CSMD1: variants seen among roughly 807,000 people sequenced by gnomAD.
CSMD1 encodes the protein CUB and sushi domain-containing protein 1.
In CSMD1, 213 loss-of-function variants were observed where a neutral mutation model predicts 417.5. The ratio of observed to expected loss-of-function variants is 0.51; its 90% confidence interval spans 0.46 to 0.57. The LOEUF is 0.57. CSMD1 is among the 20% of genes least tolerant of loss of function. The pLI, the probability that CSMD1 is intolerant of heterozygous loss-of-function variation, is 0.00. For synonymous variants in CSMD1, 2,862 were observed against 1,736.8 expected, an observed-to-expected ratio of 1.65 and a Z score of -16.11; for missense variants, 6,923 against 4,529.7, an observed-to-expected ratio of 1.53 and a Z score of -15.17.
intron 3 of CSMD1, among the ~76,000 whole-genome samples, chr8:4,142,433 A>T (rs1415757091): frequency 6.6e-6 from 1 of 151,154 alleles, no homozygotes; most frequent in Non-Finnish European, 1.5e-5. Flanking sequence ...ACCATAACAG[A>T]ACTAGTTTCC....
chr8:3,786,029 T>G lies in CSMD1; in HGVS notation c.819-31987A>C, dbSNP rs115151640. Among the ~76,000 whole-genome samples the G allele has an allele frequency of 9.0e-3, 1,362 of 152,170 alleles. 22 individuals are homozygous for G. The highest frequency in any genetic ancestry group is 0.031 in the African/African-American group (1,278 of 41,516). On this transcript the variant is annotated intron_variant, in intron 5 of 69. Coordinates refer to ENST00000635120, the MANE Select transcript of CSMD1 (RefSeq NM_033225.6). ...TGGTGGGCATTGGGGTGAAGAAAAT[T>G]AGAAGGACGGAAGAAGTGATGTTTG...
intron 6 of CSMD1, among the ~76,000 whole-genome samples, chr8:3,734,809 G>A (rs547681412): frequency 1.1e-4 from 16 of 152,338 alleles, no homozygotes; most frequent in African/African-American, 3.6e-4. Flanking sequence ...CTGAGGCCCC[G>A]TGACGGGGAT....
chr8:4,968,559 T>TA (rs1198918788), intron 1 of CSMD1, among the ~76,000 whole-genome samples: 1 of 152,050 alleles, frequency 6.6e-6, no homozygotes, highest in Non-Finnish European at 1.5e-5. Flanking sequence ...TTTATATATA[T>TA]TTTTTTCCGG....
chr8:4,198,960 G>C (rs368226497), intron 3 of CSMD1, among the ~76,000 whole-genome samples: 1 of 150,630 alleles, frequency 6.6e-6, no homozygotes, highest in Non-Finnish European at 1.5e-5. Context: ...CTTTTTTTAA[G>C]ACAGTACTGT....
intron 40 of CSMD1, among the ~76,000 whole-genome samples, chr8:3,143,111 C>A (rs982758652): frequency 2.6e-5 from 4 of 152,146 alleles, no homozygotes; most frequent in Admixed American, 2.0e-4. Flanking sequence ...AAAACAACAA[C>A]AACAACAACA....
chr8:3,749,367 T>A (rs180760394), intron 6 of CSMD1, among the ~76,000 whole-genome samples: 2 of 152,168 alleles, frequency 1.3e-5, no homozygotes, highest in Non-Finnish European at 2.9e-5. Flanking sequence ...ATTTTAAAAG[T>A]GAATAGATTT....
chr8:4,246,011 T>A (rs1228404378), intron 3 of CSMD1, among the ~76,000 whole-genome samples: 2 of 152,036 alleles, frequency 1.3e-5, no homozygotes, highest in Admixed American at 6.6e-5. Context: ...CCTAGGTCAG[T>A]TATTTGTTGT....
rs184845115 is a variant in CSMD1 at position 3,307,820 on chromosome 8, C to G, written c.3825G>C (p.Ala1275=). 31 of 1,611,894 alleles carry G rather than the reference C, an allele frequency of 1.9e-5. No individual in the cohort carries two copies. The East Asian group carries it at 2.5e-4, about 13-fold the overall frequency. ...VWDKPLPSCI[A]ECGGQIHAAT... Reference sequence around the variant, plus strand: ...CTGCATGGATCTGACCACCACATTCCGCTGTAGAAGACACAGAGAGATGGG... The same window carrying G: ...CTGCATGGATCTGACCACCACATTCGGCTGTAGAAGACACAGAGAGATGGG... The change falls in exon 25 of 70, where the codon GCG becomes GCC. Residue 1275 remains alanine (A), a splice_region_variant and synonymous_variant. Transcript: ENST00000635120.
intron 3 of CSMD1, among the ~76,000 whole-genome samples, chr8:4,318,665 T>C (rs1799083394): frequency 6.6e-6 from 1 of 151,624 alleles, no homozygotes; most frequent in Admixed American, 6.6e-5. Context: ...TGATTGTTTT[T>C]GATATCACTG....
intron 1 of CSMD1, among the ~76,000 whole-genome samples, chr8:4,973,135 A>G (rs1179088339): frequency 6.6e-6 from 1 of 152,308 alleles, no homozygotes; most frequent in East Asian, 1.9e-4. Flanking sequence ...TATAAAACAC[A>G]CCAAGAAATA....
At chr8:4,186,074 C>A (rs1798659135) in intron 3 of CSMD1, among the ~76,000 whole-genome samples, 2 of 152,236 alleles carry the variant, frequency 1.3e-5, no homozygotes, top group African/African-American at 4.8e-5. Flanking sequence ...GTGGAAGACG[C>A]AGCTGTTAGA....
At chr8:3,553,549 G>C (rs564500592) in intron 10 of CSMD1, among the ~76,000 whole-genome samples, 1 of 152,226 alleles carries the variant, frequency 6.6e-6, no homozygotes, top group Non-Finnish European at 1.5e-5. Flanking sequence ...GCACAGACTT[G>C]GAATATCCAA....
intron 1 of CSMD1, among the ~76,000 whole-genome samples, chr8:4,844,438 C>A (rs1001667688): frequency 6.6e-6 from 1 of 152,058 alleles, no homozygotes; most frequent in Non-Finnish European, 1.5e-5. Context: ...CTTTTATTTT[C>A]GATTTTTCTT....
chr8:3,515,243 A>C (rs1480445959), intron 10 of CSMD1: 1 of 152,204 alleles, frequency 6.6e-6, no homozygotes, highest in Non-Finnish European at 1.5e-5. Flanking sequence ...ATTTGTCCTT[A>C]ATATAAATAA....
intron 5 of CSMD1, among the ~76,000 whole-genome samples, chr8:3,793,609 T>G (rs1315296844): frequency 6.6e-6 from 1 of 152,028 alleles, no homozygotes; most frequent in African/African-American, 2.4e-5. Flanking sequence ...GCAGTAAACC[T>G]TCCCAAATGT....
intron 5 of CSMD1, among the ~76,000 whole-genome samples, chr8:3,821,692 G>C (rs1263493202): frequency 6.6e-6 from 1 of 152,172 alleles, no homozygotes; most frequent in Non-Finnish European, 1.5e-5. Context: ...TGAGGCAAGA[G>C]AACTGCTTGA....
At chr8:4,057,893 A>C (rs1798779178) in intron 3 of CSMD1, among the ~76,000 whole-genome samples, 2 of 152,058 alleles carry the variant, frequency 1.3e-5, no homozygotes, top group South Asian at 2.1e-4. Context: ...ATTGATCTAT[A>C]TCTCTGTTTT....
intron 5 of CSMD1, among the ~76,000 whole-genome samples, chr8:3,930,516 C>G (rs567326395): frequency 6.7e-6 from 1 of 150,354 alleles, no homozygotes; most frequent in African/African-American, 2.5e-5. Context: ...TCTCCTCTGC[C>G]TTTGCCTCTT....
chr8:3,212,049 G>A (rs1237151536), intron 30 of CSMD1, among the ~76,000 whole-genome samples: 2 of 152,052 alleles, frequency 1.3e-5, no homozygotes, highest in Non-Finnish European at 2.9e-5. Context: ...CCTGTTTTGG[G>A]GGCTGTGCAG....
Sources: allele counts gnomAD v4.1 joint callset (sites outside exome capture counted in the v4.1 genomes callset), GRCh38; gene constraint gnomAD v4.1.1; transcripts MANE v1.5; gene names NCBI Gene and HGNC (gene_info 2026-07-23, HGNC 2026-07-21).